SHTN1: variants seen among roughly 807,000 people sequenced by gnomAD.
SHTN1 encodes the protein shootin 1, also known as shootin-1.
Under a neutral mutation model 83.1 loss-of-function variants are expected in SHTN1, and 42 were observed. The observed-to-expected ratio is 0.51, with a 90% confidence interval of 0.39 to 0.65. The LOEUF (loss-of-function observed/expected upper bound fraction) is 0.65, where lower values mean the gene tolerates loss of function less well. Among genes scored for constraint, SHTN1 ranks in the 30% least tolerant of loss-of-function variants. The pLI is 0.00. For missense variants in SHTN1, 622 were observed against 737.8 expected, an observed-to-expected ratio of 0.84 and a Z score of 1.82; for synonymous variants, 224 against 247.7, an observed-to-expected ratio of 0.90 and a Z score of 0.90.
chr10:116,990,483 C>T (rs1851389623), intron 1 of SHTN1, among the ~76,000 whole-genome samples: 1 of 152,046 alleles, frequency 6.6e-6, no homozygotes, highest in African/African-American at 2.4e-5. Flanking sequence ...GAGTCTAAAA[C>T]ATGTTTGTCC....
intron 5 of SHTN1, among the ~76,000 whole-genome samples, chr10:116,953,618 GTTT>G (rs1413652753): frequency 1.2e-5 from 1 of 82,002 alleles, no homozygotes; most frequent in African/African-American, 3.4e-5. Context: ...TCAGTTTTGT[GTTT>G]TGTTTTTTTT....
At chr10:117,029,384 T>C (rs978154141) in intron 2 of SHTN1, among the ~76,000 whole-genome samples, 5 of 152,220 alleles carry the variant, frequency 3.3e-5, no homozygotes, top group African/African-American at 1.2e-4. Flanking sequence ...GAGTTAATGC[T>C]GGAATGAGTT....
chr10:117,004,979 A>G (rs1006155497), intron 1 of SHTN1, 43 bp downstream of exon 1: 2 of 1,551,888 alleles, frequency 1.3e-6, no homozygotes, highest in Non-Finnish European at 1.7e-6. Context: ...GTCCCCGCCC[A>G]CGGGCCGCGG....
At chr10:116,982,197 C>G (rs1023876276) in intron 1 of SHTN1, among the ~76,000 whole-genome samples, 2 of 152,100 alleles carry the variant, frequency 1.3e-5, no homozygotes, top group African/African-American at 4.8e-5. Context: ...GACAATAGAA[C>G]CCAGATGAAA....
chr10:117,007,714 G>T (rs573527323), upstream of SHTN1, among the ~76,000 whole-genome samples: 264 of 151,954 alleles, frequency 1.7e-3, 3 homozygotes, highest in South Asian at 0.02. Context: ...TGATGGAAAG[G>T]ATAGAAGTGA....
chr10:117,095,058 C>G (rs2081949244), intron 1 of SHTN1, among the ~76,000 whole-genome samples: 1 of 152,204 alleles, frequency 6.6e-6, no homozygotes, highest in African/African-American at 2.4e-5. Context: ...CCACAGGCCT[C>G]CTTCGGGCCT....
intron 11 of SHTN1, among the ~76,000 whole-genome samples, chr10:116,924,242 C>T (rs938441771): frequency 1.3e-5 from 2 of 152,100 alleles, no homozygotes; most frequent in African/African-American, 2.4e-5. Context: ...CACTCCATGG[C>T]GGGCTGGGTG....
intron 1 of SHTN1, among the ~76,000 whole-genome samples, chr10:117,106,034 T>C (rs540080314): frequency 6.6e-6 from 1 of 150,944 alleles, no homozygotes; most frequent in South Asian, 2.1e-4. Flanking sequence ...AAAATATAAA[T>C]ACCAGGCAAA....
At chr10:116,998,794 G>A (rs547709343) in intron 1 of SHTN1, among the ~76,000 whole-genome samples, 9 of 152,214 alleles carry the variant, frequency 5.9e-5, no homozygotes, top group South Asian at 2.1e-4. Flanking sequence ...AACCCTGTTC[G>A]TTTTATTCGA....
intron 2 of SHTN1, among the ~76,000 whole-genome samples, chr10:117,044,831 A>G (rs954251484): frequency 6.6e-6 from 1 of 152,136 alleles, no homozygotes; most frequent in South Asian, 2.1e-4. Context: ...GCCTTATAAC[A>G]TTTTCAATGA....
At chr10:116,907,947 TA>T (rs1402025509) in intron 14 of SHTN1, 1 of 514,844 alleles carries the variant, frequency 1.9e-6, no homozygotes, top group African/African-American at 1.9e-5. Flanking sequence ...TTCTACTGGC[TA>T]AAAATGGTTG....
intron 1 of SHTN1, among the ~76,000 whole-genome samples, chr10:117,050,026 G>A (rs893415657): frequency 9.9e-5 from 15 of 151,996 alleles, no homozygotes; most frequent in East Asian, 9.6e-4. Context: ...AAATGAAACT[G>A]AAAACAATAG....
At chr10:117,089,175 TAAA>T (rs1486050093) in intron 1 of SHTN1, among the ~76,000 whole-genome samples, 4 of 152,182 alleles carry the variant, frequency 2.6e-5, no homozygotes, top group Non-Finnish European at 5.9e-5. Flanking sequence ...AAGAACTGAC[TAAA>T]ATGGGCACAA....
intron 9 of SHTN1, among the ~76,000 whole-genome samples, chr10:116,937,126 C>CT (rs1849200098): frequency 6.6e-6 from 1 of 152,072 alleles, no homozygotes; most frequent in Non-Finnish European, 1.5e-5. Context: ...ATTTGCCAGT[C>CT]TGTGTCTTTT....
At chr10:117,084,222 T>C (rs1239206634) in intron 1 of SHTN1, among the ~76,000 whole-genome samples, 2 of 151,924 alleles carry the variant, frequency 1.3e-5, no homozygotes, top group Non-Finnish European at 2.9e-5. Context: ...GATGGGTTTT[T>C]GGTGTGGATG....
chr10:116,995,133 T>C (rs1020506692), intron 1 of SHTN1, among the ~76,000 whole-genome samples: 1 of 152,156 alleles, frequency 6.6e-6, no homozygotes, highest in African/African-American at 2.4e-5. Flanking sequence ...CCATTTTAAG[T>C]CTTGTTGTTC....
rs551000041 is a variant in SHTN1, at chr10:116,907,625, A to C, written c.1360-878T>G. 2.0e-5 allele frequency among the ~76,000 whole-genome samples: 3 copies of C among 152,288 alleles called. No individual in the cohort carries two copies. In the East Asian group the frequency reaches 5.8e-4, roughly 29 times the overall value. ...ACGTATTTCTCAGTGATACATAAGG[A>C]TTTAATACATCAACAAGTCTTTCAT... On this transcript the variant is annotated intron_variant, in intron 14 of 16. Coordinates refer to ENST00000355371, the MANE Select transcript of SHTN1 (RefSeq NM_001127211.3).
chr10:116,911,458 C>T (rs573618445), intron 14 of SHTN1: 3 of 1,547,482 alleles, frequency 1.9e-6, no homozygotes, highest in South Asian at 2.4e-5. Context: ...TATTATATTT[C>T]TGTTTTTCAT....
At chr10:116,982,285 C>T (rs1183710569) in intron 1 of SHTN1, among the ~76,000 whole-genome samples, 2 of 152,104 alleles carry the variant, frequency 1.3e-5, no homozygotes, top group Non-Finnish European at 2.9e-5. Context: ...ATGAAAATCA[C>T]AGAAAACATG....
Sources: allele counts gnomAD v4.1 joint callset (sites outside exome capture counted in the v4.1 genomes callset), GRCh38; gene constraint gnomAD v4.1.1; transcripts MANE v1.5; gene names NCBI Gene and HGNC (gene_info 2026-07-23, HGNC 2026-07-21).